Variants in EDC4 observed in about 807,000 individuals in gnomAD.
EDC4 encodes enhancer of mRNA decapping 4, also known as enhancer of mRNA-decapping protein 4.
In EDC4, 64 loss-of-function variants were observed where a neutral mutation model predicts 155.8. The observed-to-expected ratio is 0.41, with a 90% CI of 0.34 to 0.51. The LOEUF (loss-of-function observed/expected upper bound fraction) is 0.51. Ranked by LOEUF, EDC4 falls within the 20% of genes least tolerant of loss-of-function variation. The probability of loss-of-function intolerance (pLI) is 0.19; values close to 1 mark genes in which losing one functional copy is unlikely to be tolerated. For synonymous variants in EDC4, 684 were observed against 716.8 expected (o/e 0.95, Z 0.73); for missense variants, 1,303 against 1,812.5 (o/e 0.72, Z 5.10).
Position 67,883,007 on chromosome 16 carries a change from G to A in EDC4, c.3679G>A (p.Val1227Met). The A allele has an allele frequency of 6.2e-7, 1 of 1,614,118 alleles. No homozygotes were observed. Residue 1227 changes from valine (V) to methionine (M), a missense_variant, in exon 27 of 29, where the codon GTG becomes ATG. By Grantham distance (21) the Val-to-Met change is conservative. Transcript: ENST00000358933. This position sits in a 1 kb window ranked among gnomAD's most constrained non-coding sequence, Gnocchi z 5.3. ...GGTACAGCGCATCGTTAAGGGTGAG[G>A]TGAGTGTGGCGCTCAAGGAGCAGCA... Reference protein sequence around the residue: ...AQVQRIVKGEVSVALKEQQAA... With the variant: ...AQVQRIVKGEMSVALKEQQAA...
rs568352310 is a variant in EDC4, at chr16:67,879,152, G to A, written c.1468+15G>A. 1.9e-6 allele frequency: 3 copies of A among 1,613,912 alleles called. No individual in the cohort carries two copies. Among genetic ancestry groups the A allele is most frequent in the South Asian group, 1.1e-5 (1 of 91,078 alleles). ...CCTGGGTGCTGGTGAGCTGCCTCAGGGTCAGAGCTATGTGTCCATATATCT... is the reference window on the plus strand; with the variant it reads ...CCTGGGTGCTGGTGAGCTGCCTCAGAGTCAGAGCTATGTGTCCATATATCT... On this transcript the variant is annotated intron_variant, in intron 12 of 28. Transcript: ENST00000358933. This position sits in a 1 kb window ranked among gnomAD's most constrained non-coding sequence, Gnocchi z 6.0.
At position 67,876,450 on chromosome 16, in the gene EDC4, G is replaced by A. The variant is rs761388290; in HGVS notation, c.240-38G>A. On this transcript the variant is annotated intron_variant, in intron 2 of 28. Transcript: ENST00000358933. This position sits in a 1 kb window ranked among gnomAD's most constrained non-coding sequence, Gnocchi z 5.8. ...CCAACCCTGCCCGCTGAGCCTTTGGGTGAACAAGAGGCAAAGTTTTTGCAC... is the reference window on the plus strand; with the variant it reads ...CCAACCCTGCCCGCTGAGCCTTTGGATGAACAAGAGGCAAAGTTTTTGCAC... 6.2e-7 allele frequency: 1 copy of A among 1,609,132 alleles called. No homozygotes were observed. Among genetic ancestry groups the A allele is most frequent in the Non-Finnish European group, 8.5e-7 (1 of 1,177,072 alleles).
rs2058043077 is a variant in EDC4 at position 67,876,720 on chromosome 16, A to G, written c.351+121A>G. 4 of 1,554,834 alleles carry G rather than the reference A, an allele frequency of 2.6e-6. No homozygotes were observed. The highest frequency in any genetic ancestry group is 1.2e-5 in the South Asian group (1 of 82,070). ...GACACTTTCCCAGTTTCAGGAAGCCAGGGCTGGGTGCCAAGCCTCTGTGGG... is the reference window on the plus strand; with the variant it reads ...GACACTTTCCCAGTTTCAGGAAGCCGGGGCTGGGTGCCAAGCCTCTGTGGG... On this transcript the variant is annotated intron_variant, in intron 3 of 28. Coordinates refer to ENST00000358933, the MANE Select transcript of EDC4 (RefSeq NM_014329.5). The surrounding 1 kb of genome is among the most constrained non-coding windows in gnomAD (Gnocchi z 5.8).
Position 67,877,070 on chromosome 16 carries a change from GGTTT to G in EDC4, c.451+101_451+104del. On this transcript the variant is annotated intron_variant, in intron 4 of 28. Coordinates refer to ENST00000358933, the MANE Select transcript of EDC4 (RefSeq NM_014329.5). The surrounding 1 kb of genome is among the most constrained non-coding windows in gnomAD (Gnocchi z 4.9). ...CTCAGGCCTTAGGGGTACAATGGAA[GGTTT>G]GTCCATGCTGCCTCTTGGGGAGCTG... 6.4e-7 allele frequency: 1 copy of G among 1,558,526 alleles called. No individual in the cohort carries two copies. The highest frequency in any genetic ancestry group is 8.7e-7 in the Non-Finnish European group (1 of 1,150,972).
Position 67,880,242 on chromosome 16 carries a change from G to T in EDC4, c.2097+26G>T. The T allele has an allele frequency of 1.3e-6, 2 of 1,574,424 alleles. No homozygotes were observed. Among genetic ancestry groups the T allele is most frequent in the South Asian group, 2.3e-5 (2 of 87,072 alleles). ...GTGTGTGACTGGGTGTGTGTGTGAAGTGTGGGGAGCAGGTGGGCAGCAGCA... is the reference window on the plus strand; with the variant it reads ...GTGTGTGACTGGGTGTGTGTGTGAATTGTGGGGAGCAGGTGGGCAGCAGCA... On this transcript the variant is annotated intron_variant, in intron 17 of 28. Transcript: ENST00000358933. The surrounding 1 kb of genome is among the most constrained non-coding windows in gnomAD (Gnocchi z 5.2).
rs267604600 is a variant in EDC4, at chr16:67,879,914, C to T, written c.1886C>T (p.Ser629Phe). 2 of 1,613,810 alleles carry T rather than the reference C, an allele frequency of 1.2e-6. No homozygotes were observed. Among genetic ancestry groups the T allele is most frequent in the South Asian group, 2.2e-5 (2 of 91,070 alleles). ...SSSSSSSSSSSLTAVSAMSST... is the reference protein window; with the variant it reads ...SSSSSSSSSSFLTAVSAMSST... ...AGCAGCAGCAGCAGTAGCAGCAGCT[C>T]CCTTACAGCTGTGTCTGCCATGAGC... is the stretch of plus-strand genomic sequence containing the variant. Residue 629 changes from serine to phenylalanine, a missense_variant, in exon 16 of 29, where the codon TCC (serine) becomes TTC (phenylalanine). Physicochemically the swap from Ser to Phe is radical, Grantham distance 155. Coordinates refer to ENST00000358933, the MANE Select transcript of EDC4 (RefSeq NM_014329.5). This position sits in a 1 kb window ranked among gnomAD's most constrained non-coding sequence, Gnocchi z 6.0.
Position 67,879,607 on chromosome 16 carries a change from G to A in EDC4, c.1654G>A (p.Glu552Lys), listed in dbSNP as rs374190646. 1.8e-5 allele frequency: 29 copies of A among 1,613,970 alleles called. No individual in the cohort carries two copies. The highest frequency in any genetic ancestry group is 6.7e-5 in the East Asian group (3 of 44,900). ...TGCAGCATTTGGAGAGTCTCGGCCC[G>A]AACTGGGCTCTGAGGGCCTGGGGTC... Reference protein sequence around the residue: ...EDFTFGESRPELGSEGLGSAA... With the variant: ...EDFTFGESRPKLGSEGLGSAA... Residue 552 changes from glutamate to lysine, a missense_variant, in exon 15 of 29, where the codon GAA becomes AAA. Glu to Lys is a moderately conservative substitution (Grantham distance 56). Transcript: ENST00000358933. The surrounding 1 kb of genome is among the most constrained non-coding windows in gnomAD (Gnocchi z 6.0).
chr16:67,880,293 C>A lies in EDC4; in HGVS notation c.2097+77C>A. On this transcript the variant is annotated intron_variant, in intron 17 of 28. Coordinates refer to ENST00000358933, the MANE Select transcript of EDC4 (RefSeq NM_014329.5). The surrounding 1 kb of genome is among the most constrained non-coding windows in gnomAD (Gnocchi z 5.2). ...GGGAAGGTGGGTGGTGGGCTCCTCC[C>A]AGCCCCCTGCTGCTGATCCTGCTCT... 1 of 1,513,114 alleles carries A rather than the reference C, an allele frequency of 6.6e-7. No homozygotes were observed. Among genetic ancestry groups the A allele is most frequent in the Non-Finnish European group, 8.8e-7 (1 of 1,133,510 alleles). 93.7% of individuals were successfully genotyped at this position (1,513,114 alleles called of 1,614,324 possible). A position where few individuals can be genotyped will look rare whatever the true frequency, so the allele number is the denominator to read the frequency against.
At position 67,884,175 on chromosome 16, in the gene EDC4, G is replaced by A. The variant is rs757153804; in HGVS notation, c.*27G>A. The A allele has an allele frequency of 1.9e-6, 3 of 1,577,456 alleles. No individual in the cohort carries two copies. The highest frequency in any genetic ancestry group is 1.7e-6 in the Non-Finnish European group (2 of 1,159,682). On this transcript the variant is annotated 3_prime_UTR_variant, in exon 29 of 29. Coordinates refer to ENST00000358933, the MANE Select transcript of EDC4 (RefSeq NM_014329.5). The surrounding 1 kb of genome is among the most constrained non-coding windows in gnomAD (Gnocchi z 4.1). ...TGCTAAGCCTGCCTTGCCCAGGGGT[G>A]GGATGGCACTGAAGGCCAGCAGACA... is the stretch of plus-strand genomic sequence containing the variant.
Position 67,873,349 on chromosome 16 carries a change from C to T in EDC4, c.82+6C>T. ...GCTGGACCGGCCCGCGGGCGGTGAGCGGGGGTTGCGGGGGTGGGCCCCAGG... is the reference window on the plus strand; with the variant it reads ...GCTGGACCGGCCCGCGGGCGGTGAGTGGGGGTTGCGGGGGTGGGCCCCAGG... On this transcript the variant is annotated splice_donor_region_variant and intron_variant, in intron 1 of 28. Transcript: ENST00000358933. 1 of 1,436,142 alleles carries T rather than the reference C, an allele frequency of 7.0e-7. No homozygotes were observed. Among genetic ancestry groups the T allele is most frequent in the Non-Finnish European group, 9.1e-7 (1 of 1,099,282 alleles). 89.0% of individuals were successfully genotyped at this position (1,436,142 alleles called of 1,614,324 possible).
chr16:67,879,600 T>G lies in EDC4; in HGVS notation c.1647T>G (p.Ser549=). 2.5e-6 allele frequency: 4 copies of G among 1,614,092 alleles called. No individual in the cohort carries two copies. The highest frequency in any genetic ancestry group is 3.4e-6 in the Non-Finnish European group (4 of 1,179,984). The part of the protein sequence containing the change: ...TAHEDFTFGE[S]RPELGSEGLG... ...CTTGCCCTGCAGCATTTGGAGAGTC[T>G]CGGCCCGAACTGGGCTCTGAGGGCC... Residue 549 remains serine (S), a synonymous_variant, in exon 15 of 29, where the codon TCT becomes TCG. Coordinates refer to ENST00000358933, the MANE Select transcript of EDC4 (RefSeq NM_014329.5). The surrounding 1 kb of genome is among the most constrained non-coding windows in gnomAD (Gnocchi z 6.0).
rs2058040465 is a variant in EDC4, at chr16:67,876,156, G to T, written c.239+55G>T. 2 of 1,571,592 alleles carry T rather than the reference G, an allele frequency of 1.3e-6. No homozygotes were observed. Among genetic ancestry groups the T allele is most frequent in the Middle Eastern group, 1.7e-4 (1 of 5,928 alleles). On this transcript the variant is annotated intron_variant, in intron 2 of 28. Coordinates refer to ENST00000358933, the MANE Select transcript of EDC4 (RefSeq NM_014329.5). The surrounding 1 kb of genome is among the most constrained non-coding windows in gnomAD (Gnocchi z 5.8). ...GATGGTGTATTTGGGGTGTCTGCTAGCTGAAGGCATGAGATGGGGAGTGAG... is the reference window on the plus strand; with the variant it reads ...GATGGTGTATTTGGGGTGTCTGCTATCTGAAGGCATGAGATGGGGAGTGAG...
chr16:67,877,160 T>G lies in EDC4; in HGVS notation c.452-57T>G. On this transcript the variant is annotated intron_variant, in intron 4 of 28. Transcript: ENST00000358933. The surrounding 1 kb of genome is among the most constrained non-coding windows in gnomAD (Gnocchi z 4.9). ...AGGGAGACAGGTGGGGCAGCGCTTC[T>G]CTGCTACTGCCTGAGCCTGGATACG... 1 of 1,562,488 alleles carries G rather than the reference T, an allele frequency of 6.4e-7. No individual in the cohort carries two copies. The highest frequency in any genetic ancestry group is 8.7e-7 in the Non-Finnish European group (1 of 1,152,554).
rs749988467 is a variant in EDC4 at position 67,881,281 on chromosome 16, G to T, written c.2653G>T (p.Val885Leu). The part of the protein sequence containing the change: ...SAEQSDHDDE[V>L]ASLASASGGF... ...TTCCCACAGTGACCATGATGATGAG[G>T]TGGCCAGCCTTGCCTCTGCTTCAGG... is the stretch of plus-strand genomic sequence containing the variant. Residue 885 changes from valine to leucine, a missense_variant, in exon 20 of 29, where the codon GTG (valine) becomes TTG (leucine). Val to Leu is a conservative substitution (Grantham distance 32, BLOSUM62 1). Around this residue, in one of 5 missense-constraint regions of EDC4, gnomAD observed 527 missense variants for 757.0 expected, o/e 0.70. Transcript: ENST00000358933. This position sits in a 1 kb window ranked among gnomAD's most constrained non-coding sequence, Gnocchi z 5.4. The T allele has an allele frequency of 6.2e-7, 1 of 1,614,100 alleles. No individual in the cohort carries two copies. The highest frequency in any genetic ancestry group is 8.5e-7 in the Non-Finnish European group (1 of 1,180,022).
At position 67,883,090 on chromosome 16, in the gene EDC4, C is replaced by A; in HGVS notation, c.3762C>A (p.Val1254=). 1 of 1,612,374 alleles carries A rather than the reference C, an allele frequency of 6.2e-7. No individual in the cohort carries two copies. The highest frequency in any genetic ancestry group is 8.5e-7 in the Non-Finnish European group (1 of 1,179,686). The change falls in exon 27 of 29, where the codon GTC becomes GTA. Residue 1254 remains valine (V), a synonymous_variant. Transcript: ENST00000358933. The surrounding 1 kb of genome is among the most constrained non-coding windows in gnomAD (Gnocchi z 5.3). The part of the protein sequence containing the change: ...QAMRSAAGTP[V]PSAHLDCQAQ... ...TGCGCTCAGCTGCTGGCACACCTGTCCCCTCTGCCCACCTTGACTGCCAGG... is the reference window on the plus strand; with the variant it reads ...TGCGCTCAGCTGCTGGCACACCTGTACCCTCTGCCCACCTTGACTGCCAGG...
rs1034987945 is a variant in EDC4, at chr16:67,882,641, C to T, written c.3443-38C>T. On this transcript the variant is annotated intron_variant, in intron 25 of 28. Transcript: ENST00000358933. The surrounding 1 kb of genome is among the most constrained non-coding windows in gnomAD (Gnocchi z 7.2). ...AAGGTGGGAGGGGTTATCCTCTTTC[C>T]TACTGTTCCTCTTATAGTCCCTGTG... 6.2e-7 allele frequency: 1 copy of T among 1,614,202 alleles called. No homozygotes were observed. The highest frequency in any genetic ancestry group is 8.5e-7 in the Non-Finnish European group (1 of 1,180,042).
chr16:67,875,703 C>T, intron 1 of EDC4: 1 of 1,316,404 alleles, frequency 7.6e-7, no homozygotes, highest in Non-Finnish European at 9.7e-7. Flanking sequence ...TCACTGCCCT[C>T]AAAGGGTCCT....
rs372315944 is a variant in EDC4, at chr16:67,879,804, A to T, written c.1821+30A>T. ...TCTCCCAGGGTAGGGGGACCTGGGA[A>T]TGCCTCAGCCACAGGCCACAGGTCT... On this transcript the variant is annotated intron_variant, in intron 15 of 28. Transcript: ENST00000358933. This position sits in a 1 kb window ranked among gnomAD's most constrained non-coding sequence, Gnocchi z 6.0. 6.2e-7 allele frequency: 1 copy of T among 1,613,240 alleles called. No homozygotes were observed.
Position 67,879,550 on chromosome 16 carries a change from G to A in EDC4, c.1634-37G>A, listed in dbSNP as rs752770909. The A allele has an allele frequency of 4.3e-6, 7 of 1,613,746 alleles. No homozygotes were observed. The highest frequency in any genetic ancestry group is 5.1e-6 in the Non-Finnish European group (6 of 1,179,846). On this transcript the variant is annotated intron_variant, in intron 14 of 28. Coordinates refer to ENST00000358933, the MANE Select transcript of EDC4 (RefSeq NM_014329.5). The surrounding 1 kb of genome is among the most constrained non-coding windows in gnomAD (Gnocchi z 6.0). ...GGTAGGGTAAGTTGGACTGACCAGG[G>A]TCTGAGATCTAACTCAAGTGGCAAC...
Sources: allele counts gnomAD v4.1 joint callset, GRCh38; gene constraint gnomAD v4.1.1; regional missense constraint gnomAD v4.1.1; non-coding constraint Gnocchi (gnomAD v3.1); transcripts MANE v1.5; gene names NCBI Gene and HGNC (gene_info 2026-07-23, HGNC 2026-07-21).